Variants in HECW2 observed in about 807,000 individuals in gnomAD.
The protein encoded by HECW2 is HECT, C2 and WW domain containing E3 ubiquitin protein ligase 2, also known as E3 ubiquitin-protein ligase HECW2.
A neutral mutation model predicts 175.2 loss-of-function variants in HECW2; 61 were observed. That is an observed-to-expected ratio of 0.35 (90% CI 0.28 to 0.43). The LOEUF (loss-of-function observed/expected upper bound fraction) is 0.43, where lower values mean the gene tolerates loss of function less well. Ranked by LOEUF, HECW2 falls within the 20% of genes least tolerant of loss-of-function variation. The pLI is 1.00. For synonymous variants in HECW2, 671 were observed against 731.0 expected (o/e 0.92, Z 1.32); for missense variants, 1,524 against 2,000.5 (o/e 0.76, Z 4.54).
At chr2:196,545,068 A>G (rs1689366201) in intron 1 of HECW2, among the ~76,000 whole-genome samples, 1 of 152,210 alleles carries the variant, frequency 6.6e-6, no homozygotes, top group Admixed American at 6.5e-5. Flanking sequence ...AACACAAAGA[A>G]TGCTAATGTA....
At chr2:196,414,916 A>G (rs1251551341) in intron 2 of HECW2, among the ~76,000 whole-genome samples, 1 of 152,176 alleles carries the variant, frequency 6.6e-6, no homozygotes, top group Non-Finnish European at 1.5e-5. Context: ...CACTGCAGAC[A>G]GCACTCATGA....
chr2:196,528,380 A>G (rs2125448021), intron 1 of HECW2, among the ~76,000 whole-genome samples: 1 of 152,328 alleles, frequency 6.6e-6, no homozygotes, highest in South Asian at 2.1e-4. Context: ...ATTAAATTAC[A>G]TAAAAACAAC....
Position 196,314,216 on chromosome 2 carries a change from G to A in HECW2, c.2434+3058C>T, listed in dbSNP as rs145469146. 4.1e-4 allele frequency among the ~76,000 whole-genome samples: 62 copies of A among 152,328 alleles called. No homozygotes were observed. In the East Asian group the frequency reaches 0.011, roughly 26 times the overall value. On this transcript the variant is annotated intron_variant, in intron 10 of 28. Coordinates refer to ENST00000644978, the MANE Select transcript of HECW2 (RefSeq NM_001348768.2). ...CCTAATAGGTGAGGGGCCTCCTTGG[G>A]GAGGGCCTCTTTGCATAACTCTATC...
At chr2:196,394,042 C>A (rs2125188799) in intron 2 of HECW2, among the ~76,000 whole-genome samples, 1 of 151,946 alleles carries the variant, frequency 6.6e-6, no homozygotes, top group Admixed American at 6.5e-5. Flanking sequence ...TCTGAGCAAA[C>A]TATCACAAGG....
At chr2:196,519,135 G>GT (rs1688253662) in intron 1 of HECW2, among the ~76,000 whole-genome samples, 1 of 152,228 alleles carries the variant, frequency 6.6e-6, no homozygotes, top group Non-Finnish European at 1.5e-5. Context: ...CTCTGAGGAG[G>GT]TATTTATCAC....
At chr2:196,248,597 G>GACACAAACAA (rs1553636702) in intron 19 of HECW2, among the ~76,000 whole-genome samples, 2 of 144,036 alleles carry the variant, frequency 1.4e-5, no homozygotes, top group South Asian at 4.5e-4. Flanking sequence ...GAGACAGACA[G>GACACAAACAA]ACACACACAC....
intron 2 of HECW2, among the ~76,000 whole-genome samples, chr2:196,418,349 C>T (rs533418240): frequency 1.5e-4 from 23 of 152,124 alleles, no homozygotes; most frequent in South Asian, 1.3e-3. Context: ...AGGATGGTCT[C>T]GATTTCCTGA....
At chr2:196,433,690 C>G (rs1387834481) in intron 1 of HECW2, among the ~76,000 whole-genome samples, 1 of 152,178 alleles carries the variant, frequency 6.6e-6, no homozygotes, top group Non-Finnish European at 1.5e-5. Flanking sequence ...CCCTCGATTT[C>G]ACTTGGCACA....
At chr2:196,286,566 C>T (rs576785863) in intron 14 of HECW2, among the ~76,000 whole-genome samples, 1 of 152,208 alleles carries the variant, frequency 6.6e-6, no homozygotes, top group South Asian at 2.1e-4. Flanking sequence ...AGGTACACAA[C>T]CCCTAGACAG....
At chr2:196,311,151 T>C (rs1160975164) in intron 10 of HECW2, among the ~76,000 whole-genome samples, 2 of 152,210 alleles carry the variant, frequency 1.3e-5, no homozygotes, top group East Asian at 3.9e-4. Flanking sequence ...CCACATAATA[T>C]TTCATTTGCA....
At position 196,588,443 on chromosome 2, in the gene HECW2, A is replaced by G. The variant is rs531950469; in HGVS notation, c.-36+5065T>C. ...TCAGAGGTTTTTAAGCAAAAGAATTATATCAATAGAATGGTATTAAAATAG... is the reference window on the plus strand; with the variant it reads ...TCAGAGGTTTTTAAGCAAAAGAATTGTATCAATAGAATGGTATTAAAATAG... On this transcript the variant is annotated intron_variant, in intron 1 of 28. Transcript: ENST00000644978. Among the ~76,000 whole-genome samples, 12 of 152,390 alleles carry G rather than the reference A, an allele frequency of 7.9e-5. No homozygotes were observed. The East Asian group carries it at 1.9e-3, about 24-fold the overall frequency.
intron 2 of HECW2, among the ~76,000 whole-genome samples, chr2:196,408,815 T>C (rs923063165): frequency 6.6e-6 from 1 of 152,234 alleles, no homozygotes; most frequent in Non-Finnish European, 1.5e-5. Context: ...TGAGGAATGC[T>C]GGACTCGTTT....
intron 2 of HECW2, among the ~76,000 whole-genome samples, chr2:196,407,587 G>A (rs745629087): frequency 4.7e-4 from 71 of 152,308 alleles, no homozygotes; most frequent in Non-Finnish European, 7.4e-4. Context: ...AACACAGAGA[G>A]GAAGGTGCTA....
intron 13 of HECW2, among the ~76,000 whole-genome samples, chr2:196,305,163 G>C (rs1448874769): frequency 2.0e-5 from 3 of 152,180 alleles, no homozygotes; most frequent in Non-Finnish European, 4.4e-5. Flanking sequence ...AGTCTGGGAT[G>C]CCAGGGCCCA....
At chr2:196,574,585 C>T (rs886653072) in intron 1 of HECW2, among the ~76,000 whole-genome samples, 3 of 152,034 alleles carry the variant, frequency 2.0e-5, no homozygotes, top group African/African-American at 4.8e-5. Flanking sequence ...GAATTAATAA[C>T]ATTAAAATGT....
At chr2:196,325,223 G>T (rs187995754) in intron 5 of HECW2, 74 bp from the exon 6 acceptor site, 10 of 1,108,626 alleles carry the variant, frequency 9.0e-6, no homozygotes, top group Non-Finnish European at 1.3e-5. Context: ...AGGAGGAAGG[G>T]AGAGAACAAG....
intron 2 of HECW2, among the ~76,000 whole-genome samples, chr2:196,386,326 A>G (rs992621384): frequency 2.0e-5 from 3 of 152,316 alleles, no homozygotes; most frequent in East Asian, 3.9e-4. Context: ...AGGGAAGCAT[A>G]GTAGGCCTCA....
intron 2 of HECW2, among the ~76,000 whole-genome samples, chr2:196,419,127 A>G (rs1237701304): frequency 6.6e-6 from 1 of 152,244 alleles, no homozygotes; most frequent in African/African-American, 2.4e-5. Context: ...TTAAGAGTGC[A>G]ATGGAAGGAA....
intron 2 of HECW2, among the ~76,000 whole-genome samples, chr2:196,365,013 C>T (rs1321315969): frequency 6.6e-6 from 1 of 152,210 alleles, no homozygotes; most frequent in Admixed American, 6.5e-5. Context: ...AATTATCTTT[C>T]CCATTTCCAT....
Sources: gnomAD v4.1 joint callset for allele counts (sites outside exome capture counted in the v4.1 genomes callset) on GRCh38, gnomAD v4.1.1 for gene constraint, MANE v1.5 for transcripts, NCBI Gene and HGNC (gene_info 2026-07-23, HGNC 2026-07-21) for gene names.